Variants in TMEM117 observed in about 807,000 individuals in gnomAD.
The protein encoded by TMEM117 is transmembrane protein 117.
A neutral mutation model predicts 52.4 loss-of-function variants in TMEM117; 27 were observed. The ratio of observed to expected loss-of-function variants is 0.51; its 90% CI spans 0.38 to 0.71. The LOEUF (loss-of-function observed/expected upper bound fraction) is 0.71, where lower values mean the gene tolerates loss of function less well. Ranked by LOEUF, TMEM117 falls within the 30% of genes least tolerant of loss-of-function variation. The pLI is 0.00. For synonymous variants in TMEM117, 215 were observed against 206.3 expected (o/e 1.04, Z -0.36); for missense variants, 556 against 630.5 (o/e 0.88, Z 1.26).
intron 5 of TMEM117, among the ~76,000 whole-genome samples, chr12:44,224,327 C>T (rs189462100): frequency 6.6e-6 from 1 of 152,236 alleles, no homozygotes; most frequent in African/African-American, 2.4e-5. Context: ...TGTTAATCTG[C>T]CCAAGAACCC....
chr12:43,805,274 A>G, the TMEM117 span, among the ~76,000 whole-genome samples: 1 of 152,264 alleles, frequency 6.6e-6, no homozygotes, highest in Non-Finnish European at 1.5e-5. Flanking sequence ...ATAACTACAT[A>G]TTTATATATC....
chr12:44,080,760 TTAAG>T (rs1375893724), intron 3 of TMEM117, among the ~76,000 whole-genome samples: 1 of 152,222 alleles, frequency 6.6e-6, no homozygotes, highest in Non-Finnish European at 1.5e-5. Flanking sequence ...TTCAGTTTCC[TTAAG>T]TAAAGTTTTA....
chr12:43,943,546 A>G (rs1388235688), intron 2 of TMEM117, among the ~76,000 whole-genome samples: 1 of 152,196 alleles, frequency 6.6e-6, no homozygotes. Context: ...ATTTGTCTTC[A>G]TAAATGGAAT....
intron 5 of TMEM117, among the ~76,000 whole-genome samples, chr12:44,230,209 A>G (rs1337050585): frequency 6.6e-6 from 1 of 152,082 alleles, no homozygotes; most frequent in Non-Finnish European, 1.5e-5. Context: ...CTTGCTGAAT[A>G]TTATGTAGTC....
intron 4 of TMEM117, among the ~76,000 whole-genome samples, chr12:44,145,854 C>T (rs950107961): frequency 1.1e-4 from 17 of 152,192 alleles, no homozygotes; most frequent in African/African-American, 3.9e-4. Context: ...GACCTAGGAG[C>T]TGAAGTTTGC....
At chr12:44,343,168 G>C (rs1393779030) in intron 6 of TMEM117, among the ~76,000 whole-genome samples, 1 of 151,874 alleles carries the variant, frequency 6.6e-6, no homozygotes, top group African/African-American at 2.4e-5. Flanking sequence ...GGCCAGGCTG[G>C]TTTCAAACTC....
At chr12:44,189,362 A>T (rs1949321908) in intron 4 of TMEM117, among the ~76,000 whole-genome samples, 1 of 152,154 alleles carries the variant, frequency 6.6e-6, no homozygotes, top group Non-Finnish European at 1.5e-5. Context: ...GTATGAAAGG[A>T]TTAGCTATCA....
chr12:43,839,929 A>G (rs1415899032), intron 1 of TMEM117, among the ~76,000 whole-genome samples: 1 of 152,214 alleles, frequency 6.6e-6, no homozygotes, highest in Non-Finnish European at 1.5e-5. Flanking sequence ...ACTTTTGGAT[A>G]ATCTTTGTTG....
chr12:43,818,529 C>T, the TMEM117 span, among the ~76,000 whole-genome samples: 1 of 152,056 alleles, frequency 6.6e-6, no homozygotes, highest in Non-Finnish European at 1.5e-5. Flanking sequence ...CAATCTCCGC[C>T]TCCCGGGTTC....
At chr12:44,154,765 T>TA (rs58401059) in intron 4 of TMEM117, among the ~76,000 whole-genome samples, 4,754 of 143,024 alleles carry the variant, frequency 0.033, 202 homozygotes, top group African/African-American at 0.089. Context: ...GCTATATATC[T>TA]AAAAAAAAAA....
At chr12:44,258,093 A>G (rs906842580) in intron 5 of TMEM117, among the ~76,000 whole-genome samples, 1 of 152,118 alleles carries the variant, frequency 6.6e-6, no homozygotes. Context: ...TCTTTTCCCA[A>G]GGAATTTCTT....
At chr12:43,953,066 A>G (rs997635051) in intron 3 of TMEM117, among the ~76,000 whole-genome samples, 3 of 152,158 alleles carry the variant, frequency 2.0e-5, no homozygotes, top group African/African-American at 7.2e-5. Flanking sequence ...CAAAGGAGAA[A>G]TAAAATCTTT....
chr12:43,990,409 G>A (rs1017579474), intron 3 of TMEM117, among the ~76,000 whole-genome samples: 1 of 152,082 alleles, frequency 6.6e-6, no homozygotes, highest in Non-Finnish European at 1.5e-5. Context: ...ACTATCCTTT[G>A]AAGTTTTAGA....
chr12:44,115,752 T>A (rs1296494796), intron 3 of TMEM117, among the ~76,000 whole-genome samples: 1 of 152,178 alleles, frequency 6.6e-6, no homozygotes, highest in Non-Finnish European at 1.5e-5. Context: ...AAGTAGCATT[T>A]ATGGAACAGC....
intron 4 of TMEM117, among the ~76,000 whole-genome samples, chr12:44,186,417 C>G (rs1949279158): frequency 1.3e-5 from 2 of 152,180 alleles, no homozygotes; most frequent in African/African-American, 4.8e-5. Flanking sequence ...TGATAGCCAA[C>G]TTTGCAAATT....
chr12:44,215,112 G>A (rs1328507923), intron 5 of TMEM117, among the ~76,000 whole-genome samples: 1 of 152,148 alleles, frequency 6.6e-6, no homozygotes, highest in Non-Finnish European at 1.5e-5. Context: ...GAAAAAAAAT[G>A]TATGGTGGAG....
intron 6 of TMEM117, among the ~76,000 whole-genome samples, chr12:44,349,141 A>G (rs1010782936): frequency 4.6e-5 from 7 of 151,864 alleles, no homozygotes; most frequent in African/African-American, 1.4e-4. Flanking sequence ...TTAAAATACT[A>G]TAGACTGTTA....
chr12:44,311,618 G>C (rs1950976367), intron 6 of TMEM117, among the ~76,000 whole-genome samples: 1 of 151,368 alleles, frequency 6.6e-6, no homozygotes, highest in African/African-American at 2.4e-5. Context: ...AACAGAAATT[G>C]TAACAGAGAG....
the TMEM117 span, among the ~76,000 whole-genome samples, chr12:43,803,467 G>A: frequency 6.6e-6 from 1 of 151,978 alleles, no homozygotes. Flanking sequence ...GGAGATATAG[G>A]TATTTATGAT....
Sources: allele counts gnomAD v4.1 joint callset (sites outside exome capture counted in the v4.1 genomes callset), GRCh38; gene constraint gnomAD v4.1.1; transcripts MANE v1.5; gene names NCBI Gene and HGNC (gene_info 2026-07-23, HGNC 2026-07-21).